Variants in ZFAT observed in about 807,000 individuals in gnomAD.
ZFAT encodes zinc finger protein ZFAT.
Under a neutral mutation model 117.7 loss-of-function variants are expected in ZFAT, and 64 were observed. That is an observed-to-expected ratio of 0.54 (90% CI 0.44 to 0.67). The LOEUF (loss-of-function observed/expected upper bound fraction) is 0.67. ZFAT is among the 30% of genes least tolerant of loss of function. The pLI is 0.00. For missense variants in ZFAT, 1,433 were observed against 1,584.5 expected (o/e 0.90, Z 1.62); for synonymous variants, 679 against 615.0 (o/e 1.10, Z -1.54).
chr8:134,489,581 C>T (rs961301826), intron 15 of ZFAT, among the ~76,000 whole-genome samples: 1 of 152,126 alleles, frequency 6.6e-6, no homozygotes, highest in Non-Finnish European at 1.5e-5. Context: ...TCCATCTCTG[C>T]CGCATCTGTC....
At chr8:134,726,385 G>A in the ZFAT span, among the ~76,000 whole-genome samples, 1 of 152,194 alleles carries the variant, frequency 6.6e-6, no homozygotes, top group African/African-American at 2.4e-5. Context: ...CTCTGGGAGG[G>A]GCTGCATGTG....
chr8:134,610,441 C>T lies in ZFAT; in HGVS notation c.634+29G>A, dbSNP rs778752066. ...TGGCACAGACTTGCCAAGGGTCTTG[C>T]CTTTTCCTTTCCCGCTTGGTGCAGT... On this transcript the variant is annotated intron_variant, in intron 4 of 15. Transcript: ENST00000377838. 3.7e-6 allele frequency: 6 copies of T among 1,601,922 alleles called. No individual in the cohort carries two copies. In the Admixed American group the frequency reaches 5.2e-5, roughly 14 times the overall value.
chr8:134,653,176 A>G (rs1486190188), intron 2 of ZFAT, among the ~76,000 whole-genome samples: 2 of 143,556 alleles, frequency 1.4e-5, no homozygotes, highest in African/African-American at 5.1e-5. Context: ...CATTATTATT[A>G]TTATTATAAT....
At chr8:134,820,612 A>G in the ZFAT span, among the ~76,000 whole-genome samples, 1 of 152,234 alleles carries the variant, frequency 6.6e-6, no homozygotes, top group Non-Finnish European at 1.5e-5. Flanking sequence ...TGGTTCCATG[A>G]CAGAGGGTCA....
the ZFAT span, among the ~76,000 whole-genome samples, chr8:134,822,279 G>C: frequency 7.2e-5 from 11 of 152,016 alleles, no homozygotes; most frequent in African/African-American, 2.4e-4. Context: ...CATGTCACTG[G>C]CATTGAAAAA....
chr8:134,759,797 G>T, the ZFAT span, among the ~76,000 whole-genome samples: 2 of 151,800 alleles, frequency 1.3e-5, no homozygotes, highest in African/African-American at 4.8e-5. Context: ...CCAACATGGT[G>T]AAACTTCTAC....
At chr8:134,560,123 G>C (rs1823943619) in intron 11 of ZFAT, among the ~76,000 whole-genome samples, 1 of 152,172 alleles carries the variant, frequency 6.6e-6, no homozygotes, top group Admixed American at 6.5e-5. Context: ...GGGAGGCAGA[G>C]AGATTCAAGA....
chr8:134,605,911 G>A (rs1827857349), intron 5 of ZFAT, among the ~76,000 whole-genome samples: 1 of 152,214 alleles, frequency 6.6e-6, no homozygotes, highest in Non-Finnish European at 1.5e-5. Flanking sequence ...AGCAGACAAG[G>A]ACCATCAGGC....
At chr8:134,694,377 G>A (rs78561670) in intron 1 of ZFAT, among the ~76,000 whole-genome samples, 2,591 of 152,280 alleles carry the variant, frequency 0.017, 72 homozygotes, top group African/African-American at 0.06. Context: ...AGGGGCATCA[G>A]CTCTGCAACT....
chr8:134,605,438 C>A, intron 5 of ZFAT, among the ~76,000 whole-genome samples: 1 of 151,670 alleles, frequency 6.6e-6, no homozygotes, highest in Middle Eastern at 3.4e-3. Context: ...CCCAGCTACT[C>A]GGGAGGCTGA....
At chr8:134,504,472 G>A (rs1819243409) in intron 15 of ZFAT, among the ~76,000 whole-genome samples, 1 of 152,154 alleles carries the variant, frequency 6.6e-6, no homozygotes, top group Non-Finnish European at 1.5e-5. Context: ...GCAGTAGCTG[G>A]CTCGGTGAAC....
chr8:134,675,111 C>A (rs1050343335), intron 1 of ZFAT, among the ~76,000 whole-genome samples: 1 of 152,178 alleles, frequency 6.6e-6, no homozygotes. Context: ...ATGAGTTTGA[C>A]AAATTGACAG....
intron 3 of ZFAT, among the ~76,000 whole-genome samples, chr8:134,618,714 CCATATTCAAA>C (rs1828908162): frequency 6.6e-6 from 1 of 152,136 alleles, no homozygotes; most frequent in Non-Finnish European, 1.5e-5. Flanking sequence ...TCTTAAGTGT[CCATATTCAAA>C]CAAAATATCA....
chr8:134,640,834 C>G (rs759631040), intron 2 of ZFAT, among the ~76,000 whole-genome samples: 7 of 152,188 alleles, frequency 4.6e-5, no homozygotes, highest in Non-Finnish European at 8.8e-5. Flanking sequence ...TTGCTGCTGT[C>G]AACTACTCGC....
At chr8:134,712,670 C>T (rs1300443338) in intron 1 of ZFAT, among the ~76,000 whole-genome samples, 175 bp downstream of exon 1, 5 of 146,890 alleles carry the variant, frequency 3.4e-5, no homozygotes, top group South Asian at 2.1e-4. Flanking sequence ...TGAACGTGAG[C>T]CGCAGAACGC....
the ZFAT span, among the ~76,000 whole-genome samples, chr8:134,829,130 A>G: frequency 6.6e-6 from 1 of 152,238 alleles, no homozygotes; most frequent in African/African-American, 2.4e-5. Flanking sequence ...GTTTTACTCA[A>G]TGGTGAAAAG....
chr8:134,736,301 G>A, the ZFAT span, among the ~76,000 whole-genome samples: 22 of 152,128 alleles, frequency 1.4e-4, no homozygotes, highest in South Asian at 4.1e-4. Flanking sequence ...CCCTTTCTTC[G>A]TGAGTTATAA....
chr8:134,654,324 T>C (rs1023728042), intron 2 of ZFAT, among the ~76,000 whole-genome samples: 9 of 151,950 alleles, frequency 5.9e-5, no homozygotes, highest in Admixed American at 6.6e-5. Flanking sequence ...ACTCTTATAA[T>C]TGGAAAAAAA....
At chr8:134,752,071 A>C in the ZFAT span, among the ~76,000 whole-genome samples, 1 of 152,238 alleles carries the variant, frequency 6.6e-6, no homozygotes, top group East Asian at 1.9e-4. Context: ...GTTAGGCTAG[A>C]TCAACTCTAA....
Sources: gnomAD v4.1 joint callset for allele counts (sites outside exome capture counted in the v4.1 genomes callset) on GRCh38, gnomAD v4.1.1 for gene constraint, MANE v1.5 for transcripts, NCBI Gene and HGNC (gene_info 2026-07-23, HGNC 2026-07-21) for gene names.